Variants in RORA observed in about 807,000 individuals in gnomAD.
RORA encodes nuclear receptor ROR-alpha.
A neutral mutation model predicts 69.5 loss-of-function variants in RORA; 7 were observed. The ratio of observed to expected loss-of-function variants is 0.10; its 90% confidence interval spans 0.06 to 0.19. The LOEUF is 0.19. Among genes scored for constraint, RORA ranks in the 10% least tolerant of loss-of-function variants. The probability of loss-of-function intolerance (pLI) is 1.00; values close to 1 mark genes in which losing one functional copy is unlikely to be tolerated. For missense variants in RORA, 457 were observed against 663.0 expected, an observed-to-expected ratio of 0.69 and a Z score of 3.41; for synonymous variants, 261 against 240.8, an observed-to-expected ratio of 1.08 and a Z score of -0.78.
At chr15:60,798,423 T>G (rs1285441832) in intron 1 of RORA, among the ~76,000 whole-genome samples, 1 of 152,108 alleles carries the variant, frequency 6.6e-6, no homozygotes, top group Non-Finnish European at 1.5e-5. Flanking sequence ...TGGAGAAACC[T>G]TAGGACTCTA....
intron 1 of RORA, among the ~76,000 whole-genome samples, chr15:61,168,716 A>G (rs1010618907): frequency 3.3e-5 from 5 of 152,006 alleles, no homozygotes; most frequent in Non-Finnish European, 4.4e-5. Flanking sequence ...GGTTCCCCTC[A>G]CCAGGAGTCT....
intron 2 of RORA, among the ~76,000 whole-genome samples, chr15:60,641,012 G>T (rs1471594967): frequency 2.0e-5 from 3 of 152,116 alleles, no homozygotes; most frequent in African/African-American, 7.2e-5. Flanking sequence ...TAGTTCAGTG[G>T]CGTGATCTCA....
intron 3 of RORA, among the ~76,000 whole-genome samples, chr15:60,525,263 T>A (rs1244658817): frequency 6.6e-6 from 1 of 152,102 alleles, no homozygotes; most frequent in East Asian, 1.9e-4. Context: ...TGGCACTTCC[T>A]ACTGGAGTTT....
At chr15:61,143,150 AG>A (rs1327602677) in intron 1 of RORA, among the ~76,000 whole-genome samples, 1 of 152,186 alleles carries the variant, frequency 6.6e-6, no homozygotes, top group Admixed American at 6.5e-5. Context: ...ATGCTTATAA[AG>A]CTAGTACACA....
chr15:60,922,675 G>C (rs896053987), intron 1 of RORA, among the ~76,000 whole-genome samples: 1 of 152,178 alleles, frequency 6.6e-6, no homozygotes. Flanking sequence ...AGAGTCAATA[G>C]ATAGGAAAGC....
At chr15:61,186,443 C>A (rs2079742360) in intron 1 of RORA, among the ~76,000 whole-genome samples, 2 of 151,896 alleles carry the variant, frequency 1.3e-5, no homozygotes, top group African/African-American at 4.8e-5. Flanking sequence ...GAGTTCGAGA[C>A]CAGCCTGGCT....
At chr15:60,760,332 G>A (rs890408596) in intron 1 of RORA, among the ~76,000 whole-genome samples, 4 of 152,104 alleles carry the variant, frequency 2.6e-5, no homozygotes, top group African/African-American at 7.2e-5. Context: ...GTATGGGACC[G>A]AAGAAAGGAT....
At chr15:61,171,571 TC>T (rs987800402) in intron 1 of RORA, among the ~76,000 whole-genome samples, 4 of 152,102 alleles carry the variant, frequency 2.6e-5, no homozygotes, top group African/African-American at 9.7e-5. Context: ...CACTCACTGG[TC>T]CCCACCCACT....
chr15:60,588,448 TCATC>T (rs55840229), intron 2 of RORA, among the ~76,000 whole-genome samples: 21,772 of 150,564 alleles, frequency 0.14, 1,813 homozygotes, highest in East Asian at 0.27. Flanking sequence ...GCAAATCTAT[TCATC>T]CATCCATCCA....
intron 1 of RORA, among the ~76,000 whole-genome samples, chr15:60,939,155 T>C (rs1460805197): frequency 1.3e-5 from 2 of 152,230 alleles, no homozygotes; most frequent in African/African-American, 4.8e-5. Flanking sequence ...AGACTTCTTG[T>C]CATTCCAATC....
chr15:61,030,391 G>A (rs1896098421), intron 1 of RORA, among the ~76,000 whole-genome samples: 1 of 152,144 alleles, frequency 6.6e-6, no homozygotes, highest in Non-Finnish European at 1.5e-5. Flanking sequence ...AGGTATTGGG[G>A]CATGAGGTTG....
Position 60,489,977 on chromosome 15 carries a change from C to G in RORA, c.*7478G>C, listed in dbSNP as rs2065015193. On this transcript the variant is annotated 3_prime_UTR_variant, in exon 11 of 11. Transcript: ENST00000335670. Reference sequence around the variant, plus strand: ...ACATAAAGTAAATGCTAATAAGTTTCCATATAGCCATATTTATAAACAAAT... The same window carrying G: ...ACATAAAGTAAATGCTAATAAGTTTGCATATAGCCATATTTATAAACAAAT... The G allele has an allele frequency of 6.6e-6, 1 of 151,946 alleles. No homozygotes were observed. The highest frequency in any genetic ancestry group is 2.4e-5 in the African/African-American group (1 of 41,388). 9.4% of individuals were successfully genotyped at this position (151,946 alleles called of 1,614,324 possible).
chr15:60,809,799 T>TC (rs896073478), intron 1 of RORA, among the ~76,000 whole-genome samples: 2 of 151,908 alleles, frequency 1.3e-5, no homozygotes, highest in East Asian at 1.9e-4. Context: ...GTTTTTTTTT[T>TC]CTGGCATTAA....
chr15:60,746,201 C>T (rs1362877981), intron 1 of RORA, among the ~76,000 whole-genome samples: 1 of 152,164 alleles, frequency 6.6e-6, no homozygotes, highest in Non-Finnish European at 1.5e-5. Flanking sequence ...AGCACAAATC[C>T]ATACTCTTGG....
intron 1 of RORA, among the ~76,000 whole-genome samples, chr15:60,830,628 A>G (rs1471589299): frequency 6.6e-6 from 1 of 152,220 alleles, no homozygotes; most frequent in African/African-American, 2.4e-5. Flanking sequence ...TTACAATATG[A>G]CAAGTACTTC....
intron 1 of RORA, among the ~76,000 whole-genome samples, chr15:60,965,740 G>A (rs1893538294): frequency 6.6e-6 from 1 of 152,108 alleles, no homozygotes; most frequent in Non-Finnish European, 1.5e-5. Flanking sequence ...TTCTCCCCAA[G>A]CACTGGTTTC....
chr15:60,975,943 G>A (rs575423664), intron 1 of RORA, among the ~76,000 whole-genome samples: 1 of 152,182 alleles, frequency 6.6e-6, no homozygotes, highest in East Asian at 1.9e-4. Context: ...TTCTTGGGAG[G>A]GGACCTTTCC....
chr15:61,209,720 G>C (rs1251844795), intron 1 of RORA, among the ~76,000 whole-genome samples: 1 of 152,176 alleles, frequency 6.6e-6, no homozygotes, highest in Admixed American at 6.5e-5. Flanking sequence ...CAGTTGTGCA[G>C]ACCTCTGTAT....
At chr15:61,155,687 T>A (rs150933801) in intron 1 of RORA, among the ~76,000 whole-genome samples, 107 of 152,298 alleles carry the variant, frequency 7.0e-4, no homozygotes, top group African/African-American at 2.6e-3. Flanking sequence ...TTCTGTCTCA[T>A]CTTCAGCTGT....
Sources: gnomAD v4.1 joint callset for allele counts (sites outside exome capture counted in the v4.1 genomes callset) on GRCh38, gnomAD v4.1.1 for gene constraint, MANE v1.5 for transcripts, NCBI Gene and HGNC (gene_info 2026-07-23, HGNC 2026-07-21) for gene names.